The following PTPRT variants were observed in gnomAD, a reference collection of about 807,000 sequenced individuals.
PTPRT encodes protein tyrosine phosphatase receptor type T.
A neutral mutation model predicts 176.8 loss-of-function variants in PTPRT; 56 were observed. That is an observed-to-expected ratio of 0.32 (90% CI 0.26 to 0.40). The LOEUF (loss-of-function observed/expected upper bound fraction) is 0.40. Among genes scored for constraint, PTPRT ranks in the 10% least tolerant of loss-of-function variants. The pLI is 1.00. For missense variants in PTPRT, 1,540 were observed against 1,908.2 expected (o/e 0.81, Z 3.60); for synonymous variants, 783 against 739.0 (o/e 1.06, Z -0.96).
intron 7 of PTPRT, among the ~76,000 whole-genome samples, chr20:42,644,349 GA>G (rs2074837242): frequency 6.6e-6 from 1 of 152,100 alleles, no homozygotes; most frequent in Admixed American, 6.6e-5. Flanking sequence ...TCCCTGAGAT[GA>G]AATACCTGAA....
At chr20:42,525,086 C>T (rs1379390724) in intron 7 of PTPRT, among the ~76,000 whole-genome samples, 1 of 152,142 alleles carries the variant, frequency 6.6e-6, no homozygotes, top group Admixed American at 6.5e-5. Flanking sequence ...CTCCCGGGCC[C>T]AAGCTATTCT....
intron 12 of PTPRT, among the ~76,000 whole-genome samples, chr20:42,288,310 G>A (rs2147077382): frequency 6.6e-6 from 1 of 151,346 alleles, no homozygotes; most frequent in Non-Finnish European, 1.5e-5. Flanking sequence ...CTCTTAAAAT[G>A]TGGTCACAAT....
chr20:42,236,390 A>G lies in PTPRT; in HGVS notation c.2313-132T>C, dbSNP rs2056243382. Reference sequence around the variant, plus strand: ...TGCACATATTATTTCAGCATCCCTAAGCTCAAGGAGATGCAAGTTCCTCTA... The same window carrying G: ...TGCACATATTATTTCAGCATCCCTAGGCTCAAGGAGATGCAAGTTCCTCTA... On this transcript the variant is annotated intron_variant, in intron 14 of 30. Transcript: ENST00000373187. 3 of 732,676 alleles carry G rather than the reference A, an allele frequency of 4.1e-6. No homozygotes were observed. The African/African-American group carries it at 5.4e-5, about 13-fold the overall frequency. The allele number at this position is 732,676 out of a possible 1,614,324, so 45.4% of individuals were successfully genotyped here. A position where few individuals can be genotyped will look rare whatever the true frequency, so the allele number is the denominator to read the frequency against.
chr20:42,887,876 T>C (rs973749158), intron 1 of PTPRT, among the ~76,000 whole-genome samples: 1 of 152,150 alleles, frequency 6.6e-6, no homozygotes, highest in Non-Finnish European at 1.5e-5. Flanking sequence ...CTTTGGGAGA[T>C]GCTTCCAAAG....
chr20:43,038,391 T>C lies in PTPRT; in HGVS notation c.88+151255A>G, dbSNP rs376526176. Reference sequence around the variant, plus strand: ...TTAGTCATACAATTTGTAAAAATAATAGGTCAATTGAGTAAAACCACATGA... The same window carrying C: ...TTAGTCATACAATTTGTAAAAATAACAGGTCAATTGAGTAAAACCACATGA... On this transcript the variant is annotated intron_variant, in intron 1 of 30. Coordinates refer to ENST00000373187, the MANE Select transcript of PTPRT (RefSeq NM_007050.6). Among the ~76,000 whole-genome samples the C allele has an allele frequency of 3.6e-4, 55 of 152,304 alleles. No homozygotes were observed. The South Asian group carries it at 0.011, about 31-fold the overall frequency.
Position 42,074,899 on chromosome 20 carries a change from C to A in PTPRT, c.*5980G>T. ...TACTAAAAAACTAGAAGAGTCTGCT[C>A]ATGTGCACAAATATGGCTTAGATAT... On this transcript the variant is annotated 3_prime_UTR_variant, in exon 31 of 31. Coordinates refer to ENST00000373187, the MANE Select transcript of PTPRT (RefSeq NM_007050.6). 1 of 398,572 alleles carries A rather than the reference C, an allele frequency of 2.5e-6. No homozygotes were observed. Among genetic ancestry groups the A allele is most frequent in the South Asian group, 1.3e-4 (1 of 7,812 alleles). The allele number at this position is 398,572 out of a possible 1,614,324, so 24.7% of individuals were successfully genotyped here. A position where few individuals can be genotyped will look rare whatever the true frequency, so the allele number is the denominator to read the frequency against.
In PTPRT at chr20:42,098,380, C is replaced by G. The variant is rs770017992; in HGVS notation, c.3846+41G>C. ...ATCTCCCTCCAGGTTTAGAGCATGG[C>G]CCCCCTGACCCACCTAGGGCTTGGC... On this transcript the variant is annotated intron_variant, in intron 27 of 30. Transcript: ENST00000373187. 1.1e-5 allele frequency: 17 copies of G among 1,607,890 alleles called. No homozygotes were observed. The Admixed American group carries it at 2.5e-4, about 24-fold the overall frequency.
intron 1 of PTPRT, among the ~76,000 whole-genome samples, chr20:43,171,679 A>G (rs1365176170): frequency 6.6e-6 from 1 of 152,186 alleles, no homozygotes; most frequent in African/African-American, 2.4e-5. Context: ...AAAGGGTTTA[A>G]AAACACAAAT....
At chr20:42,520,326 A>T (rs146306298) in intron 7 of PTPRT, among the ~76,000 whole-genome samples, 109 of 152,246 alleles carry the variant, frequency 7.2e-4, no homozygotes, top group African/African-American at 2.6e-3. Context: ...GTCAACAAAT[A>T]CAATTTGCTG....
intron 6 of PTPRT, among the ~76,000 whole-genome samples, chr20:42,701,967 A>G (rs1276648037): frequency 6.6e-6 from 1 of 152,170 alleles, no homozygotes; most frequent in African/African-American, 2.4e-5. Context: ...TCAAGTGGCA[A>G]AACAGGTAAG....
At position 43,051,406 on chromosome 20, in the gene PTPRT, T is replaced by C. The variant is rs537873067; in HGVS notation, c.88+138240A>G. ...TTCCCTTCCCTTAGTTCTAGGTCTC[T>C]TGTCCTAGGCAGATGTGAATCTGTA... On this transcript the variant is annotated intron_variant, in intron 1 of 30. Coordinates refer to ENST00000373187, the MANE Select transcript of PTPRT (RefSeq NM_007050.6). 2.6e-5 allele frequency among the ~76,000 whole-genome samples: 4 copies of C among 152,354 alleles called. No homozygotes were observed. The East Asian group carries it at 7.7e-4, about 29-fold the overall frequency.
At chr20:42,480,630 G>A (rs1388869553) in intron 7 of PTPRT, among the ~76,000 whole-genome samples, 1 of 152,144 alleles carries the variant, frequency 6.6e-6, no homozygotes, top group Non-Finnish European at 1.5e-5. Context: ...AGGATGATAT[G>A]ATGAAGCTTG....
At chr20:42,374,445 G>C (rs546683349) in intron 9 of PTPRT, among the ~76,000 whole-genome samples, 10 of 129,132 alleles carry the variant, frequency 7.7e-5, no homozygotes, top group African/African-American at 2.9e-4. Flanking sequence ...CCCAGTGATA[G>C]AGTTTAAAAA....
intron 7 of PTPRT, among the ~76,000 whole-genome samples, chr20:42,640,033 A>G (rs148557968): frequency 7.2e-5 from 11 of 152,268 alleles, no homozygotes; most frequent in African/African-American, 2.6e-4. Flanking sequence ...GCCAAACATC[A>G]TAAAAGTGTT....
At chr20:42,814,963 G>T (rs1297055368) in intron 2 of PTPRT, among the ~76,000 whole-genome samples, 1 of 152,076 alleles carries the variant, frequency 6.6e-6, no homozygotes, top group Non-Finnish European at 1.5e-5. Context: ...TAGACCAAAT[G>T]CTGAGTAAGA....
chr20:42,763,781 A>G (rs1212290936), intron 5 of PTPRT, among the ~76,000 whole-genome samples: 1 of 152,180 alleles, frequency 6.6e-6, no homozygotes, highest in Non-Finnish European at 1.5e-5. Context: ...GTAGACATAA[A>G]TCATTTTTGA....
chr20:42,154,863 G>C (rs945856104), intron 17 of PTPRT, among the ~76,000 whole-genome samples: 3 of 152,214 alleles, frequency 2.0e-5, no homozygotes, highest in African/African-American at 4.8e-5. Flanking sequence ...TGGAGCTGGG[G>C]GGGAAGCAGG....
At chr20:42,785,196 T>C (rs1000732733) in intron 3 of PTPRT, among the ~76,000 whole-genome samples, 1 of 152,172 alleles carries the variant, frequency 6.6e-6, no homozygotes, top group East Asian at 1.9e-4. Flanking sequence ...AAAAGGCACA[T>C]GTCGGGAGAT....
At chr20:42,695,812 G>C (rs2425532) in intron 6 of PTPRT, among the ~76,000 whole-genome samples, 4,373 of 152,192 alleles carry the variant, frequency 0.029, 232 homozygotes, top group African/African-American at 0.1. Context: ...ATCTTCAAAG[G>C]GCTAAAACTT....
Sources: gnomAD v4.1 joint callset for allele counts (sites outside exome capture counted in the v4.1 genomes callset) on GRCh38, gnomAD v4.1.1 for gene constraint, MANE v1.5 for transcripts, NCBI Gene and HGNC (gene_info 2026-07-23, HGNC 2026-07-21) for gene names.